The following NEGR1 variants were observed in gnomAD, a reference collection of about 807,000 sequenced individuals.
NEGR1 encodes the protein neuronal growth regulator 1.
Under a neutral mutation model 40.9 loss-of-function variants are expected in NEGR1, and 10 were observed. That is an observed-to-expected ratio of 0.24 (90% CI 0.15 to 0.42). The LOEUF is 0.42. Among genes scored for constraint, NEGR1 ranks in the 10% least tolerant of loss-of-function variants. The pLI, the probability that NEGR1 is intolerant of heterozygous loss-of-function variation, is 1.00. For synonymous variants in NEGR1, 185 were observed against 166.8 expected (o/e 1.11, Z -0.84); for missense variants, 352 against 438.9 (o/e 0.80, Z 1.77).
At chr1:72,079,259 G>A (rs555892016) in intron 1 of NEGR1, among the ~76,000 whole-genome samples, 3 of 151,870 alleles carry the variant, frequency 2.0e-5, no homozygotes, top group Admixed American at 6.6e-5. Context: ...AGTTCTGAGT[G>A]ACATATAGTT....
chr1:71,567,712 G>T (rs1648662976), intron 6 of NEGR1, among the ~76,000 whole-genome samples: 1 of 152,196 alleles, frequency 6.6e-6, no homozygotes, highest in African/African-American at 2.4e-5. Flanking sequence ...CTAAATGTTT[G>T]TGTCCCCCCT....
intron 1 of NEGR1, among the ~76,000 whole-genome samples, chr1:72,081,644 G>A (rs1648002423): frequency 6.6e-6 from 1 of 151,986 alleles, no homozygotes; most frequent in African/African-American, 2.4e-5. Context: ...GCACTCAAGA[G>A]GTGAATATTA....
intron 6 of NEGR1, among the ~76,000 whole-genome samples, chr1:71,450,688 T>A (rs1429303701): frequency 1.3e-5 from 2 of 152,028 alleles, no homozygotes; most frequent in Admixed American, 1.3e-4. Flanking sequence ...CGCATGCCTG[T>A]AATCCCAGGT....
intron 5 of NEGR1, among the ~76,000 whole-genome samples, chr1:71,595,868 A>G (rs1200397038): frequency 1.3e-5 from 2 of 152,226 alleles, no homozygotes; most frequent in African/African-American, 4.8e-5. Context: ...CTAAAACCAA[A>G]TAATGATAAA....
intron 3 of NEGR1, among the ~76,000 whole-genome samples, chr1:71,729,550 A>C (rs1310673555): frequency 6.6e-6 from 1 of 152,096 alleles, no homozygotes; most frequent in East Asian, 1.9e-4. Flanking sequence ...TTGATTAATG[A>C]AGGTTGTGAT....
intron 1 of NEGR1, among the ~76,000 whole-genome samples, chr1:72,073,706 AATAG>A (rs1214906983): frequency 6.6e-6 from 1 of 152,146 alleles, no homozygotes; most frequent in African/African-American, 2.4e-5. Context: ...CTTTTTTAAA[AATAG>A]ATAGATGGAC....
intron 4 of NEGR1, among the ~76,000 whole-genome samples, chr1:71,679,327 G>A (rs1259543592): frequency 6.6e-6 from 1 of 151,994 alleles, no homozygotes; most frequent in Non-Finnish European, 1.5e-5. Flanking sequence ...TCAATTTGAG[G>A]ACAATCAACA....
intron 1 of NEGR1, among the ~76,000 whole-genome samples, chr1:72,024,633 T>C (rs1481167945): frequency 6.6e-6 from 1 of 152,176 alleles, no homozygotes; most frequent in Admixed American, 6.5e-5. Flanking sequence ...TTCCAAATGA[T>C]TTTCCTCAGG....
At chr1:72,255,307 A>G (rs1369024163) in intron 1 of NEGR1, among the ~76,000 whole-genome samples, 1 of 152,184 alleles carries the variant, frequency 6.6e-6, no homozygotes, top group Admixed American at 6.5e-5. Context: ...AAATAGCACA[A>G]ATCTTAATTC....
intron 6 of NEGR1, among the ~76,000 whole-genome samples, chr1:71,446,739 A>G (rs1027595155): frequency 7.9e-5 from 12 of 152,206 alleles, no homozygotes; most frequent in African/African-American, 2.7e-4. Context: ...TTGGAACTCT[A>G]CAGCTTGATA....
intron 2 of NEGR1, among the ~76,000 whole-genome samples, chr1:71,853,153 T>C (rs956432818): frequency 6.6e-6 from 1 of 152,148 alleles, no homozygotes; most frequent in Non-Finnish European, 1.5e-5. Flanking sequence ...TTGTGTAATT[T>C]CAGAGCTTGG....
At chr1:72,198,355 G>A (rs1397686798) in intron 1 of NEGR1, among the ~76,000 whole-genome samples, 2 of 151,916 alleles carry the variant, frequency 1.3e-5, no homozygotes, top group Non-Finnish European at 2.9e-5. Context: ...TATGGGAACT[G>A]AAAAGACTTA....
chr1:71,579,184 G>C (rs1469925342), intron 6 of NEGR1, among the ~76,000 whole-genome samples: 2 of 152,070 alleles, frequency 1.3e-5, no homozygotes, highest in East Asian at 1.9e-4. Flanking sequence ...TTTTCACCCA[G>C]CTCTGTCCAC....
At position 71,667,752 on chromosome 1, in the gene NEGR1, C is replaced by T. The variant is rs142433668; in HGVS notation, c.667+30256G>A. Among the ~76,000 whole-genome samples, 700 of 152,220 alleles carry T rather than the reference C, an allele frequency of 4.6e-3. 5 individuals carry two copies. The highest frequency in any genetic ancestry group is 0.016 in the African/African-American group (664 of 41,544). On this transcript the variant is annotated intron_variant, in intron 4 of 6. Transcript: ENST00000357731. Reference sequence around the variant, plus strand: ...GGCACAATCTCCAAAGCTTGACTATCGGGTTCAAATCTTTCCTTATCCTCA... The same window carrying T: ...GGCACAATCTCCAAAGCTTGACTATTGGGTTCAAATCTTTCCTTATCCTCA...
At chr1:71,994,389 G>A (rs181646420) in intron 1 of NEGR1, among the ~76,000 whole-genome samples, 4 of 152,050 alleles carry the variant, frequency 2.6e-5, no homozygotes, top group East Asian at 3.9e-4. Flanking sequence ...TTAGCCGGGC[G>A]TGGTGGTGGG....
intron 1 of NEGR1, among the ~76,000 whole-genome samples, chr1:72,104,085 G>GTT (rs11450166): frequency 4.6e-5 from 7 of 151,676 alleles, no homozygotes; most frequent in Non-Finnish European, 5.9e-5. Flanking sequence ...TTTTGGATTT[G>GTT]TTTTTTTCCA....
chr1:71,464,394 A>G (rs1646732409), intron 6 of NEGR1, among the ~76,000 whole-genome samples: 1 of 136,104 alleles, frequency 7.3e-6, no homozygotes, highest in Admixed American at 8.1e-5. Context: ...AAGTAAAGAT[A>G]ACTAGAGAAC....
At position 71,402,853 on chromosome 1, in the gene NEGR1, T is replaced by C. The variant is rs1413367922; in HGVS notation, c.*4593A>G. ...CTCTGTTTCATGTGCTGGTTTTCCA[T>C]GTCTGATACTTGATGTTTCTGTTTC... On this transcript the variant is annotated 3_prime_UTR_variant, in exon 7 of 7. Transcript: ENST00000357731. 6.6e-6 allele frequency: 1 copy of C among 152,156 alleles called. No individual in the cohort carries two copies. The highest frequency in any genetic ancestry group is 1.9e-4 in the East Asian group (1 of 5,194). The allele number at this position is 152,156 out of a possible 1,614,324, so 9.4% of individuals were successfully genotyped here.
chr1:71,861,833 A>G (rs1431012238), intron 2 of NEGR1, among the ~76,000 whole-genome samples: 1 of 152,068 alleles, frequency 6.6e-6, no homozygotes, highest in Non-Finnish European at 1.5e-5. Flanking sequence ...CTTACTCAAC[A>G]CAGTAGAACA....
Sources: gnomAD v4.1 joint callset for allele counts (sites outside exome capture counted in the v4.1 genomes callset) on GRCh38, gnomAD v4.1.1 for gene constraint, MANE v1.5 for transcripts, NCBI Gene and HGNC (gene_info 2026-07-23, HGNC 2026-07-21) for gene names.